Variants in EYA4 observed in about 807,000 individuals in gnomAD.
EYA4 encodes EYA transcriptional coactivator and phosphatase 4.
Under a neutral mutation model 87.9 loss-of-function variants are expected in EYA4, and 31 were observed. That is an observed-to-expected ratio of 0.35 (90% CI 0.27 to 0.48). The LOEUF is 0.48. EYA4 is among the 20% of genes least tolerant of loss of function. The probability of loss-of-function intolerance (pLI) is 0.99; values close to 1 mark genes in which losing one functional copy is unlikely to be tolerated. For missense variants in EYA4, 678 were observed against 761.4 expected, an observed-to-expected ratio of 0.89 and a Z score of 1.29; for synonymous variants, 263 against 270.6, an observed-to-expected ratio of 0.97 and a Z score of 0.28.
At chr6:133,362,043 CACTA>C (rs1784485468) in intron 2 of EYA4, among the ~76,000 whole-genome samples, 1 of 152,168 alleles carries the variant, frequency 6.6e-6, no homozygotes. Context: ...AATTTGTAAC[CACTA>C]TAGGTAGAAA....
chr6:133,515,529 T>G, intron 17 of EYA4, 94 bp downstream of exon 17: 1 of 855,176 alleles, frequency 1.2e-6, no homozygotes, highest in Non-Finnish European at 2.0e-6. Context: ...CTAGACTGTT[T>G]TAGACTTTAA....
intron 2 of EYA4, among the ~76,000 whole-genome samples, chr6:133,355,373 C>T (rs1463485996): frequency 1.3e-5 from 2 of 152,138 alleles, no homozygotes; most frequent in Non-Finnish European, 2.9e-5. Context: ...TATAAAAACA[C>T]ATGAACAGGT....
chr6:133,453,479 A>G (rs1793639194), intron 5 of EYA4: 1 of 152,024 alleles, frequency 6.6e-6, no homozygotes, highest in Non-Finnish European at 1.5e-5. Flanking sequence ...AAATCAGCTA[A>G]TAATATAAGG....
At chr6:133,509,797 G>A (rs1007820129) in intron 14 of EYA4, among the ~76,000 whole-genome samples, 6 of 149,748 alleles carry the variant, frequency 4.0e-5, no homozygotes, top group African/African-American at 1.2e-4. Context: ...AAATGTTTGA[G>A]TTTTATTAAA....
intron 6 of EYA4, among the ~76,000 whole-genome samples, chr6:133,460,766 G>T (rs1030481986): frequency 6.6e-6 from 1 of 151,962 alleles, no homozygotes; most frequent in Admixed American, 6.6e-5. Flanking sequence ...AAAATGTAAA[G>T]TTTGCAAATT....
chr6:133,341,150 G>A, intron 2 of EYA4, among the ~76,000 whole-genome samples: 1 of 152,202 alleles, frequency 6.6e-6, no homozygotes, highest in East Asian at 1.9e-4. Context: ...ATCCAAGGAA[G>A]ATTCTGCAAA....
chr6:133,505,114 TTTCTC>T (rs1235821744), intron 13 of EYA4, among the ~76,000 whole-genome samples: 1 of 152,244 alleles, frequency 6.6e-6, no homozygotes, highest in East Asian at 1.9e-4. Flanking sequence ...AGGTTTTTTC[TTTCTC>T]TTATCTTCGG....
chr6:133,483,479 A>ATT (rs2128712408), intron 13 of EYA4, among the ~76,000 whole-genome samples: 1 of 151,482 alleles, frequency 6.6e-6, no homozygotes, highest in South Asian at 2.1e-4. Context: ...GTTTAAATTA[A>ATT]TTTGTTGCAA....
At chr6:133,485,851 A>C (rs1796641798) in intron 13 of EYA4, among the ~76,000 whole-genome samples, 1 of 152,246 alleles carries the variant, frequency 6.6e-6, no homozygotes, top group African/African-American at 2.4e-5. Context: ...GATGAGAAAG[A>C]TAAACTTACA....
At chr6:133,244,867 A>C (rs1774277537) in intron 1 of EYA4, among the ~76,000 whole-genome samples, 1 of 152,110 alleles carries the variant, frequency 6.6e-6, no homozygotes, top group South Asian at 2.1e-4. Flanking sequence ...GATTTTTAGA[A>C]AGATAGAATG....
intron 13 of EYA4, among the ~76,000 whole-genome samples, chr6:133,498,144 C>T (rs1797789708): frequency 6.6e-6 from 1 of 152,030 alleles, no homozygotes; most frequent in African/African-American, 2.4e-5. Flanking sequence ...CTAAAGAAAA[C>T]CAACATGGTT....
chr6:133,308,496 G>T (rs1932746), intron 2 of EYA4, among the ~76,000 whole-genome samples: 29,075 of 152,144 alleles, frequency 0.19, 3,187 homozygotes, highest in East Asian at 0.42. Context: ...CACTCAGGTA[G>T]TAGGCATAGT....
At chr6:133,502,202 C>A (rs1798188751) in intron 13 of EYA4, 1 of 152,098 alleles carries the variant, frequency 6.6e-6, no homozygotes, top group Non-Finnish European at 1.5e-5. Context: ...CACTTTGAAC[C>A]TTTTGGAACT....
chr6:133,369,989 G>T (rs1247279156), intron 2 of EYA4, among the ~76,000 whole-genome samples: 1 of 152,160 alleles, frequency 6.6e-6, no homozygotes, highest in African/African-American at 2.4e-5. Context: ...GGCGTGGAAA[G>T]CCATTGGTCG....
chr6:133,527,267 A>G (rs1262945770), intron 19 of EYA4, among the ~76,000 whole-genome samples: 1 of 152,230 alleles, frequency 6.6e-6, no homozygotes, highest in Non-Finnish European at 1.5e-5. Context: ...TGTTGTTACA[A>G]ATAGATCTGA....
intron 16 of EYA4, among the ~76,000 whole-genome samples, chr6:133,514,153 A>T (rs1489064421): frequency 6.6e-6 from 1 of 152,162 alleles, no homozygotes; most frequent in Admixed American, 6.5e-5. Flanking sequence ...TATGGAAGAC[A>T]TTCATTTCCA....
chr6:133,529,536 A>AC lies in EYA4; in HGVS notation c.*731_*732insC, dbSNP rs1163877619. On this transcript the variant is annotated 3_prime_UTR_variant, in exon 20 of 20. Transcript: ENST00000355286. ...CTGTAGATAATGAAAAAAAACAAAA[A>AC]AAAAAACCTTTGTGATGATTCTTAA... 2 of 984,712 alleles carry AC rather than the reference A, an allele frequency of 2.0e-6. No homozygotes were observed. Among genetic ancestry groups the AC allele is most frequent in the Non-Finnish European group, 1.2e-6 (1 of 829,054 alleles). The allele number at this position is 984,712 out of a possible 1,614,324, so 61.0% of individuals were successfully genotyped here. A position where few individuals can be genotyped will look rare whatever the true frequency, so the allele number is the denominator to read the frequency against.
chr6:133,506,170 C>T lies in EYA4; in HGVS notation c.1256C>T (p.Thr419Ile). ...GAAATGATTTTTAATCTTGCTGATA[C>T]TCATTTGTTTTTTAATGATTTAGAG... The part of the protein sequence containing the change: ...MEEMIFNLAD[T>I]HLFFNDLEEC... Residue 419 changes from threonine (T) to isoleucine (I), a missense_variant, in exon 14 of 20, where the codon ACT becomes ATT. Physicochemically the swap from Thr to Ile is moderately conservative, Grantham distance 89 (BLOSUM62 -1). Coordinates refer to ENST00000355286, the MANE Select transcript of EYA4 (RefSeq NM_004100.5). 1 of 1,606,204 alleles carries T rather than the reference C, an allele frequency of 6.2e-7. No individual in the cohort carries two copies. Among genetic ancestry groups the T allele is most frequent in the African/African-American group, 1.3e-5 (1 of 74,852 alleles).
At chr6:133,432,685 T>C (rs1791293416) in intron 3 of EYA4, among the ~76,000 whole-genome samples, 1 of 152,104 alleles carries the variant, frequency 6.6e-6, no homozygotes, top group Non-Finnish European at 1.5e-5. Flanking sequence ...TTACTGCATG[T>C]TCGTCTTTTT....
Sources: allele counts gnomAD v4.1 joint callset (sites outside exome capture counted in the v4.1 genomes callset), GRCh38; gene constraint gnomAD v4.1.1; transcripts MANE v1.5; gene names NCBI Gene and HGNC (gene_info 2026-07-23, HGNC 2026-07-21).